The following IGSF21 variants were observed in gnomAD, a reference collection of about 807,000 sequenced individuals.
IGSF21 encodes immunoglobulin superfamily member 21.
A neutral mutation model predicts 46.8 loss-of-function variants in IGSF21; 28 were observed. The observed-to-expected ratio is 0.60, with a 90% CI of 0.44 to 0.82. The LOEUF is 0.82. IGSF21 is among the 40% of genes least tolerant of loss of function. IGSF21 has a pLI of 0.00. For synonymous variants in IGSF21, 284 were observed against 273.6 expected (o/e 1.04, Z -0.38); for missense variants, 624 against 665.5 (o/e 0.94, Z 0.69).
intron 4 of IGSF21, among the ~76,000 whole-genome samples, chr1:18,349,370 G>C (rs2085926673): frequency 6.6e-6 from 1 of 152,120 alleles, no homozygotes; most frequent in Non-Finnish European, 1.5e-5. Flanking sequence ...GATGGGGGAG[G>C]ACTAGGGTGC....
chr1:18,356,405 C>T lies in IGSF21; in HGVS notation c.425-5710C>T, dbSNP rs192721741. On this transcript the variant is annotated intron_variant, in intron 4 of 9. Transcript: ENST00000251296. Reference sequence around the variant, plus strand: ...GGACATCATTGTCTACAGGTGATAACAGAAGAGTGGGAGGGAGATTGGTGA... The same window carrying T: ...GGACATCATTGTCTACAGGTGATAATAGAAGAGTGGGAGGGAGATTGGTGA... Among the ~76,000 whole-genome samples, 7 of 152,308 alleles carry T rather than the reference C, an allele frequency of 4.6e-5. No homozygotes were observed. In the East Asian group the frequency reaches 1.4e-3, roughly 29 times the overall value.
chr1:18,337,249 C>T lies in IGSF21; in HGVS notation c.424+2239C>T, dbSNP rs1043193595. The stretch of plus-strand genomic sequence containing the variant: ...TGCACAACTGGCCTGATGGTCTCTG[C>T]TGAGCAAGGGAGTGTGCTCCTGTGG... On this transcript the variant is annotated intron_variant, in intron 4 of 9. Coordinates refer to ENST00000251296, the MANE Select transcript of IGSF21 (RefSeq NM_032880.5). This position sits in a 1 kb window ranked among gnomAD's most constrained non-coding sequence, Gnocchi z 5.7. 1.3e-5 allele frequency among the ~76,000 whole-genome samples: 2 copies of T among 152,166 alleles called. No homozygotes were observed. Among genetic ancestry groups the T allele is most frequent in the Non-Finnish European group, 2.9e-5 (2 of 68,026 alleles).
chr1:18,287,187 A>AAAAAT lies in IGSF21; in HGVS notation c.184-4675_184-4674insTAAAA, dbSNP rs1232667257. Reference sequence around the variant, plus strand: ...CAGAGCGAGACTCCGTCTCAAAAAAAAAAAATAAAATAAATAAATAAATAA... The same window carrying AAAAAT: ...CAGAGCGAGACTCCGTCTCAAAAAAAAAAATAAAAATAAAATAAATAAATAAATAA... On this transcript the variant is annotated intron_variant, in intron 2 of 9. Coordinates refer to ENST00000251296, the MANE Select transcript of IGSF21 (RefSeq NM_032880.5). Among the ~76,000 whole-genome samples, 7 of 68,236 alleles carry AAAAAT rather than the reference A, an allele frequency of 1.0e-4. 1 individual carries two copies. Among genetic ancestry groups the AAAAAT allele is most frequent in the African/African-American group, 3.2e-4 (7 of 21,900 alleles). 44.8% of individuals were successfully genotyped at this position (68,236 alleles called of 152,430 possible).
chr1:18,341,497 ACT>A (rs1405052935), intron 4 of IGSF21, among the ~76,000 whole-genome samples: 3 of 152,064 alleles, frequency 2.0e-5, no homozygotes, highest in Non-Finnish European at 4.4e-5. Context: ...TGAAGCTGAC[ACT>A]CTCTGCTCCC....
At chr1:18,285,063 G>T (rs77669969) in intron 2 of IGSF21, among the ~76,000 whole-genome samples, 3 of 152,184 alleles carry the variant, frequency 2.0e-5, no homozygotes, top group Non-Finnish European at 4.4e-5. Flanking sequence ...CTTTCCAGCC[G>T]TGGCGGGATT....
chr1:18,205,292 A>C (rs1553153891), intron 1 of IGSF21, among the ~76,000 whole-genome samples: 1 of 152,126 alleles, frequency 6.6e-6, no homozygotes, highest in African/African-American at 2.4e-5. Context: ...TATTTTCTAC[A>C]ATAAACATAT....
At chr1:18,249,599 A>G (rs1384616056) in intron 2 of IGSF21, among the ~76,000 whole-genome samples, 1 of 152,180 alleles carries the variant, frequency 6.6e-6, no homozygotes, top group African/African-American at 2.4e-5. Context: ...ATGAAGCCCA[A>G]GCTGTTTTGC....
chr1:18,343,819 C>T (rs116020232), intron 4 of IGSF21, among the ~76,000 whole-genome samples: 231 of 152,342 alleles, frequency 1.5e-3, no homozygotes, highest in African/African-American at 4.7e-3. Flanking sequence ...TCCCTGTGCA[C>T]GTCTGGTGCT....
chr1:18,161,575 C>T (rs556450193), intron 1 of IGSF21, among the ~76,000 whole-genome samples: 1 of 152,260 alleles, frequency 6.6e-6, no homozygotes, highest in East Asian at 1.9e-4. Flanking sequence ...AGTATCCCAC[C>T]GGTGACAGGA....
intron 1 of IGSF21, among the ~76,000 whole-genome samples, chr1:18,176,491 C>A (rs1271820029): frequency 6.6e-6 from 1 of 152,166 alleles, no homozygotes; most frequent in Non-Finnish European, 1.5e-5. Flanking sequence ...GTCAGTCAAG[C>A]CCAGAACTGT....
chr1:18,151,382 G>A (rs887138115), intron 1 of IGSF21, among the ~76,000 whole-genome samples: 3 of 152,228 alleles, frequency 2.0e-5, no homozygotes, highest in African/African-American at 7.2e-5. Context: ...TTCATTTTGT[G>A]CCTCTGTCAT....
chr1:18,218,899 C>G (rs184301746), intron 1 of IGSF21, among the ~76,000 whole-genome samples: 136 of 152,160 alleles, frequency 8.9e-4, no homozygotes, highest in African/African-American at 3.2e-3. Context: ...TAAAGAAGAG[C>G]CAGTTGAAAA....
chr1:18,149,727 A>G (rs989210026), intron 1 of IGSF21, among the ~76,000 whole-genome samples: 1 of 151,888 alleles, frequency 6.6e-6, no homozygotes, highest in Admixed American at 6.6e-5. Flanking sequence ...TCACTGATCC[A>G]TCTCTAGACT....
chr1:18,336,857 C>T (rs573630317), intron 4 of IGSF21, among the ~76,000 whole-genome samples: 39 of 152,216 alleles, frequency 2.6e-4, no homozygotes, highest in South Asian at 8.3e-4. Context: ...CTCACAATCG[C>T]GGTGGAAGGT....
intron 3 of IGSF21, among the ~76,000 whole-genome samples, chr1:18,298,125 A>G (rs1206277594): frequency 6.6e-6 from 1 of 152,118 alleles, no homozygotes; most frequent in African/African-American, 2.4e-5. Context: ...GAGCTGACAG[A>G]GGGCCATTGC....
intron 1 of IGSF21, among the ~76,000 whole-genome samples, chr1:18,187,260 A>G (rs1377508137): frequency 6.6e-6 from 1 of 151,720 alleles, no homozygotes; most frequent in East Asian, 1.9e-4. Context: ...GAGTGAGCAC[A>G]CTCTGATCTC....
At chr1:18,315,862 C>T (rs2085538038) in intron 3 of IGSF21, among the ~76,000 whole-genome samples, 1 of 138,208 alleles carries the variant, frequency 7.2e-6, no homozygotes, top group Admixed American at 7.2e-5. Flanking sequence ...GGATGGATAG[C>T]TGGAGAGATG....
intron 4 of IGSF21, among the ~76,000 whole-genome samples, chr1:18,355,078 T>C (rs1487315715): frequency 1.3e-5 from 2 of 152,186 alleles, no homozygotes; most frequent in Non-Finnish European, 2.9e-5. Context: ...CTATGGGATG[T>C]TGGGAGCAGA....
chr1:18,328,119 G>A (rs1197017496), intron 3 of IGSF21, among the ~76,000 whole-genome samples: 1 of 152,192 alleles, frequency 6.6e-6, no homozygotes, highest in Admixed American at 6.5e-5. Flanking sequence ...TGTCTTTATA[G>A]TGTGGTCATT....
Sources: gnomAD v4.1 joint callset for allele counts (sites outside exome capture counted in the v4.1 genomes callset) on GRCh38, gnomAD v4.1.1 for gene constraint, Gnocchi (gnomAD v3.1) non-coding constraint, MANE v1.5 for transcripts, NCBI Gene and HGNC (gene_info 2026-07-23, HGNC 2026-07-21) for gene names.